The following LRRC63 variants were observed in gnomAD, a reference collection of about 807,000 sequenced individuals.
LRRC63 encodes leucine rich repeat containing 63, also known as leucine-rich repeat-containing protein 63.
LRRC63 carries 40 observed loss-of-function variants against 49.5 expected under a neutral mutation model. The ratio of observed to expected loss-of-function variants is 0.81; its 90% CI spans 0.63 to 1.05. The LOEUF is 1.05. Ranked by LOEUF, LRRC63 falls within the 50% of genes least tolerant of loss-of-function variation. The pLI is 0.00. For missense variants in LRRC63, 636 were observed against 663.1 expected, an observed-to-expected ratio of 0.96 and a Z score of 0.45; for synonymous variants, 191 against 221.1, an observed-to-expected ratio of 0.86 and a Z score of 1.21.
chr13:46,221,290 G>A (rs2046400549), intron 2 of LRRC63, among the ~76,000 whole-genome samples: 1 of 152,214 alleles, frequency 6.6e-6, no homozygotes, highest in South Asian at 2.1e-4. Flanking sequence ...CACATAGCAT[G>A]ATGAACATAT....
chr13:46,264,142 C>A (rs971273223), intron 8 of LRRC63, among the ~76,000 whole-genome samples: 1 of 152,160 alleles, frequency 6.6e-6, no homozygotes, highest in Non-Finnish European at 1.5e-5. Context: ...GACTTTTCTT[C>A]TTGACTGGAA....
chr13:46,276,828 G>GTGTGTATATATATATATATATATATATA (rs1175818781), exon 10 of LRRC63: 5 of 138,532 alleles, frequency 3.6e-5, no homozygotes, highest in African/African-American at 1.7e-4. Flanking sequence ...GTATGTGTGT[G>GTGTGTATATATATATATATATATATATA]TATATATATA....
chr13:46,259,812 A>G (rs958547), intron 7 of LRRC63, among the ~76,000 whole-genome samples: 57,113 of 152,012 alleles, frequency 0.38, 10,945 homozygotes, highest in Middle Eastern at 0.46. Context: ...ATTACCATAT[A>G]GTAGGCTTTT....
chr13:46,236,450 G>T (rs1041562773), intron 5 of LRRC63, among the ~76,000 whole-genome samples: 1 of 152,046 alleles, frequency 6.6e-6, no homozygotes, highest in Non-Finnish European at 1.5e-5. Context: ...CATGTACAAG[G>T]GCTCTACAAT....
Position 46,266,723 on chromosome 13 carries a change from T to C in LRRC63, c.1311-10T>C. ...AATACCTTTTAAAGTGTGGTTTCCTTTATTTACAGATCACTTGAAAAACTG... is the reference window on the plus strand; with the variant it reads ...AATACCTTTTAAAGTGTGGTTTCCTCTATTTACAGATCACTTGAAAAACTG... On this transcript the variant is annotated splice_polypyrimidine_tract_variant and intron_variant, in intron 8 of 9. Coordinates refer to ENST00000595396, the Ensembl canonical transcript of LRRC63. The C allele has an allele frequency of 6.5e-7, 1 of 1,526,846 alleles. No individual in the cohort carries two copies. Among genetic ancestry groups the C allele is most frequent in the Non-Finnish European group, 8.8e-7 (1 of 1,138,686 alleles). 94.6% of individuals were successfully genotyped at this position (1,526,846 alleles called of 1,614,324 possible). A position where few individuals can be genotyped will look rare whatever the true frequency, so the allele number is the denominator to read the frequency against.
chr13:46,256,706 C>G (rs897996161), intron 7 of LRRC63, among the ~76,000 whole-genome samples: 1 of 152,146 alleles, frequency 6.6e-6, no homozygotes, highest in African/African-American at 2.4e-5. Flanking sequence ...TGGGTTATAT[C>G]TGGAGCCTCA....
chr13:46,219,744 A>G (rs2046352288), intron 2 of LRRC63, among the ~76,000 whole-genome samples: 1 of 152,014 alleles, frequency 6.6e-6, no homozygotes, highest in Non-Finnish European at 1.5e-5. Context: ...GGATTTATCT[A>G]CCTTTGGTCT....
At chr13:46,231,815 CT>C (rs1295050179) in intron 4 of LRRC63, among the ~76,000 whole-genome samples, 1,869 of 133,428 alleles carry the variant, frequency 0.014, 35 homozygotes, top group African/African-American at 0.046. Context: ...CTGCCACACA[CT>C]TTTTTTTTTT....
intron 9 of LRRC63, among the ~76,000 whole-genome samples, chr13:46,272,423 T>C (rs769604688): frequency 1.3e-5 from 2 of 152,100 alleles, no homozygotes; most frequent in Non-Finnish European, 2.9e-5. Flanking sequence ...GAAACTGCAA[T>C]GTAAAATAGC....
intron 7 of LRRC63, among the ~76,000 whole-genome samples, chr13:46,256,254 A>T (rs2047508833): frequency 6.6e-6 from 1 of 152,252 alleles, no homozygotes; most frequent in South Asian, 2.1e-4. Flanking sequence ...CAAAGACAGT[A>T]TGAAATGAAA....
At chr13:46,255,645 A>AAAAAAAAAAAATATATATATATATAT (rs1555328641) in intron 7 of LRRC63, among the ~76,000 whole-genome samples, 33 of 129,446 alleles carry the variant, frequency 2.5e-4, no homozygotes, top group African/African-American at 9.3e-4. Context: ...CCCTGCCTCA[A>AAAAAAAAAAAATATATATATATATAT]ATATATATAT....
chr13:46,225,551 G>A (rs1251034414), intron 2 of LRRC63, among the ~76,000 whole-genome samples: 4 of 152,214 alleles, frequency 2.6e-5, no homozygotes, highest in Non-Finnish European at 4.4e-5. Context: ...TAAATATGGT[G>A]AGATGGTGGT....
exon 1 of LRRC63, chr13:46,212,138 T>C (rs2046109692): frequency 6.6e-6 from 1 of 152,236 alleles, no homozygotes; most frequent in South Asian, 2.1e-4. Context: ...TAAAGGGTAG[T>C]GTGGGAGTCC....
At chr13:46,231,510 C>A (rs1250634973) in intron 4 of LRRC63, among the ~76,000 whole-genome samples, 3 of 151,450 alleles carry the variant, frequency 2.0e-5, no homozygotes, top group Non-Finnish European at 4.4e-5. Flanking sequence ...CACACTTTTT[C>A]TTTTTTCTTT....
At chr13:46,254,636 G>T (rs1237519844) in intron 7 of LRRC63, among the ~76,000 whole-genome samples, 1 of 152,184 alleles carries the variant, frequency 6.6e-6, no homozygotes, top group African/African-American at 2.4e-5. Context: ...ATCTTTGAGA[G>T]CAAGAAGAAT....
chr13:46,227,699 A>C lies in LRRC63; in HGVS notation c.273A>C (p.Lys91Asn), dbSNP rs946471071. ...TGACTGCAATTTCATCACCCCAGAAATCTACTAAGCATGTCCGTGAGCAGA... is the reference window on the plus strand; with the variant it reads ...TGACTGCAATTTCATCACCCCAGAACTCTACTAAGCATGTCCGTGAGCAGA... Residue 91 changes from lysine (K) to asparagine (N), a missense_variant, in exon 3 of 10, where the codon AAA (lysine) becomes AAC (asparagine). Coordinates refer to ENST00000595396, the Ensembl canonical transcript of LRRC63. 7.7e-6 allele frequency: 12 copies of C among 1,550,334 alleles called. No homozygotes were observed. The African/African-American group carries it at 1.6e-4, about 21-fold the overall frequency.
chr13:46,224,641 A>G (rs967449279), intron 2 of LRRC63, among the ~76,000 whole-genome samples: 2 of 151,884 alleles, frequency 1.3e-5, no homozygotes, highest in Admixed American at 1.3e-4. Context: ...TTGTATTTTG[A>G]TGTTTTCTGT....
At chr13:46,259,972 A>G (rs2047587931) in intron 7 of LRRC63, among the ~76,000 whole-genome samples, 1 of 152,226 alleles carries the variant, frequency 6.6e-6, no homozygotes, top group East Asian at 1.9e-4. Flanking sequence ...AAATAAATGT[A>G]AAAAGTTTTA....
chr13:46,244,746 G>A (rs1291413998), intron 5 of LRRC63, among the ~76,000 whole-genome samples: 3 of 152,118 alleles, frequency 2.0e-5, no homozygotes, highest in African/African-American at 7.2e-5. Context: ...CTCCAGGCAG[G>A]GTGACAGAGC....
Sources: allele counts gnomAD v4.1 joint callset (sites outside exome capture counted in the v4.1 genomes callset), GRCh38; gene constraint gnomAD v4.1.1; transcripts MANE v1.5; gene names NCBI Gene and HGNC (gene_info 2026-07-23, HGNC 2026-07-21).